The following MACROD2 variants were observed in gnomAD, a reference collection of about 807,000 sequenced individuals.
MACROD2 encodes the protein mono-ADP ribosylhydrolase 2, also known as ADP-ribose glycohydrolase MACROD2.
Under a neutral mutation model 70.4 loss-of-function variants are expected in MACROD2, and 36 were observed. That is an observed-to-expected ratio of 0.51 (90% CI 0.39 to 0.68). The LOEUF (loss-of-function observed/expected upper bound fraction) is 0.68, where lower values mean the gene tolerates loss of function less well. MACROD2 is among the 30% of genes least tolerant of loss of function. The pLI, the probability that MACROD2 is intolerant of heterozygous loss-of-function variation, is 0.00. For synonymous variants in MACROD2, 172 were observed against 178.8 expected (o/e 0.96, Z 0.30); for missense variants, 496 against 538.4 (o/e 0.92, Z 0.78).
At chr20:14,227,636 C>T (rs959311672) in intron 3 of MACROD2, among the ~76,000 whole-genome samples, 1 of 152,232 alleles carries the variant, frequency 6.6e-6, no homozygotes, top group East Asian at 1.9e-4. Flanking sequence ...AACTGTAACA[C>T]CGCGAGGGTC....
chr20:15,425,902 T>C (rs2046290719), intron 6 of MACROD2, among the ~76,000 whole-genome samples: 1 of 152,206 alleles, frequency 6.6e-6, no homozygotes, highest in African/African-American at 2.4e-5. Context: ...TTAGGGTTTA[T>C]TGTGTATGTT....
chr20:15,372,696 T>C (rs899555855), intron 6 of MACROD2, among the ~76,000 whole-genome samples: 1 of 152,224 alleles, frequency 6.6e-6, no homozygotes, highest in African/African-American at 2.4e-5. Flanking sequence ...ATGTTTTAAA[T>C]TTTATTGTGG....
At chr20:14,980,981 C>G (rs1047945996) in intron 5 of MACROD2, among the ~76,000 whole-genome samples, 2 of 152,066 alleles carry the variant, frequency 1.3e-5, no homozygotes. Context: ...CTTCTCCTCT[C>G]TCATCCAGAG....
intron 8 of MACROD2, among the ~76,000 whole-genome samples, chr20:15,858,190 A>T (rs1267866033): frequency 6.6e-6 from 1 of 152,212 alleles, no homozygotes. Flanking sequence ...AGGCCCAACA[A>T]ATTGGAAATG....
intron 5 of MACROD2, among the ~76,000 whole-genome samples, chr20:15,204,287 G>A (rs936097660): frequency 7.9e-5 from 12 of 151,982 alleles, no homozygotes; most frequent in Non-Finnish European, 1.2e-4. Context: ...TTCTTTAATC[G>A]AGTGCAAGTC....
chr20:14,273,706 G>A (rs1601422889), intron 3 of MACROD2, among the ~76,000 whole-genome samples: 2 of 152,068 alleles, frequency 1.3e-5, no homozygotes, highest in African/African-American at 4.8e-5. Context: ...GAATTCAGGA[G>A]CTGGTTTTTT....
intron 3 of MACROD2, among the ~76,000 whole-genome samples, chr20:14,200,414 G>A (rs148788987): frequency 7.9e-5 from 12 of 152,180 alleles, no homozygotes; most frequent in Non-Finnish European, 1.5e-4. Context: ...AGAGGATCAG[G>A]AATAATAACC....
chr20:16,002,024 TATATA>T (rs1309643890), intron 15 of MACROD2, among the ~76,000 whole-genome samples: 3 of 148,364 alleles, frequency 2.0e-5, no homozygotes, highest in South Asian at 2.2e-4. Context: ...TAAATATAGT[TATATA>T]ATATAATGTG....
At chr20:14,138,082 TATAAA>T (rs1303204762) in intron 3 of MACROD2, among the ~76,000 whole-genome samples, 1 of 152,148 alleles carries the variant, frequency 6.6e-6, no homozygotes, top group Non-Finnish European at 1.5e-5. Flanking sequence ...GAATGGCTAT[TATAAA>T]GAAGAGACAA....
At chr20:15,001,552 G>C (rs965728325) in intron 5 of MACROD2, among the ~76,000 whole-genome samples, 9 of 151,924 alleles carry the variant, frequency 5.9e-5, no homozygotes, top group Non-Finnish European at 1.3e-4. Flanking sequence ...TTTGTCATTG[G>C]TTTGCAAGTA....
chr20:15,113,396 A>G (rs148761203), intron 5 of MACROD2, among the ~76,000 whole-genome samples: 181 of 152,282 alleles, frequency 1.2e-3, no homozygotes, highest in African/African-American at 3.7e-3. Context: ...TACAAATGAT[A>G]TGCTTCCTCT....
intron 3 of MACROD2, chr20:14,337,752 C>T (rs1018351778): frequency 1.5e-5 from 6 of 388,810 alleles, no homozygotes; most frequent in African/African-American, 4.1e-5. Flanking sequence ...GCTTTGCAAA[C>T]GCTAGAGGGG....
At chr20:15,139,472 C>T (rs761351361) in intron 5 of MACROD2, among the ~76,000 whole-genome samples, 18 of 152,102 alleles carry the variant, frequency 1.2e-4, no homozygotes, top group Non-Finnish European at 1.6e-4. Context: ...ATCTTCAGAA[C>T]AAATAGTGAA....
intron 5 of MACROD2, among the ~76,000 whole-genome samples, chr20:14,832,692 C>T (rs1227444231): frequency 6.6e-6 from 1 of 152,120 alleles, no homozygotes; most frequent in Non-Finnish European, 1.5e-5. Context: ...CTCAGTTAAA[C>T]ATTGTAAAAA....
intron 5 of MACROD2, among the ~76,000 whole-genome samples, chr20:15,131,198 A>G (rs1324819422): frequency 6.6e-6 from 1 of 152,154 alleles, no homozygotes; most frequent in African/African-American, 2.4e-5. Flanking sequence ...GGAGACTAAT[A>G]ACAGGCAAAT....
intron 6 of MACROD2, among the ~76,000 whole-genome samples, chr20:15,260,700 T>C (rs943834004): frequency 6.6e-6 from 1 of 151,944 alleles, no homozygotes; most frequent in Non-Finnish European, 1.5e-5. Flanking sequence ...CTGTTCTCCA[T>C]AGTGGCTGTA....
chr20:15,010,673 C>T (rs973136766), intron 5 of MACROD2, among the ~76,000 whole-genome samples: 2 of 152,068 alleles, frequency 1.3e-5, no homozygotes, highest in Admixed American at 1.3e-4. Flanking sequence ...GTTCACATAC[C>T]CACCGTTTTT....
chr20:15,484,622 C>T (rs1283801208), intron 7 of MACROD2, among the ~76,000 whole-genome samples: 1 of 152,198 alleles, frequency 6.6e-6, no homozygotes, highest in African/African-American at 2.4e-5. Context: ...ACACAGAATG[C>T]TGTGGCATGT....
At chr20:15,113,653 A>G (rs944397648) in intron 5 of MACROD2, among the ~76,000 whole-genome samples, 1 of 152,034 alleles carries the variant, frequency 6.6e-6, no homozygotes, top group African/African-American at 2.4e-5. Context: ...CTCCAACACA[A>G]AGTGTCATTT....
Sources: allele counts gnomAD v4.1 joint callset (sites outside exome capture counted in the v4.1 genomes callset), GRCh38; gene constraint gnomAD v4.1.1; transcripts MANE v1.5; gene names NCBI Gene and HGNC (gene_info 2026-07-23, HGNC 2026-07-21).